MCF2L: variants seen among roughly 807,000 people sequenced by gnomAD.
The protein encoded by MCF2L is guanine nucleotide exchange factor DBS.
A neutral mutation model predicts 153.4 loss-of-function variants in MCF2L; 97 were observed. The ratio of observed to expected loss-of-function variants is 0.63; its 90% CI spans 0.54 to 0.75. The LOEUF is 0.75. Among genes scored for constraint, MCF2L ranks in the 30% least tolerant of loss-of-function variants. The probability of loss-of-function intolerance (pLI) is 0.00; values close to 1 mark genes in which losing one functional copy is unlikely to be tolerated. For missense variants in MCF2L, 1,347 were observed against 1,495.2 expected (o/e 0.90, Z 1.64); for synonymous variants, 659 against 632.2 (o/e 1.04, Z -0.64).
At chr13:112,938,160 G>T (rs1468047170) in intron 2 of MCF2L, among the ~76,000 whole-genome samples, 2 of 133,266 alleles carry the variant, frequency 1.5e-5, no homozygotes, top group African/African-American at 5.6e-5. Context: ...TCAGGTGAGC[G>T]CTGAGGGGTT....
At chr13:112,936,783 T>C (rs941404656) in intron 2 of MCF2L, among the ~76,000 whole-genome samples, 6 of 152,222 alleles carry the variant, frequency 3.9e-5, no homozygotes, top group Non-Finnish European at 7.3e-5. Flanking sequence ...TGGTATAGAA[T>C]TTGCATATAA....
intron 2 of MCF2L, among the ~76,000 whole-genome samples, chr13:112,925,359 C>T (rs1365341172): frequency 1.3e-5 from 2 of 152,144 alleles, no homozygotes; most frequent in African/African-American, 4.8e-5. Context: ...ATGTGCCTGC[C>T]CTCCGATTCC....
At chr13:112,912,470 C>T (rs1354932672) in intron 2 of MCF2L, among the ~76,000 whole-genome samples, 2 of 152,138 alleles carry the variant, frequency 1.3e-5, no homozygotes, top group African/African-American at 4.8e-5. Flanking sequence ...GCGCACGCCA[C>T]CACACCCAGC....
chr13:113,040,948 G>T (rs562556730), intron 3 of MCF2L: 2 of 152,226 alleles, frequency 1.3e-5, no homozygotes, highest in Non-Finnish European at 2.9e-5. Context: ...GACGCAGCCA[G>T]TTGGAACATT....
chr13:113,090,924 C>T (rs947947720), intron 26 of MCF2L: 1 of 1,189,034 alleles, frequency 8.4e-7, no homozygotes, highest in Non-Finnish European at 1.1e-6. Context: ...ACTCCCATGC[C>T]CTCCCGGCCC....
chr13:113,003,444 GC>G (rs1224195007), intron 1 of MCF2L, among the ~76,000 whole-genome samples: 1 of 150,282 alleles, frequency 6.7e-6, no homozygotes, highest in East Asian at 2.0e-4. Context: ...GGGGCAGGTG[GC>G]CCCCTGGGTT....
rs1000534681 is a variant in MCF2L at position 112,904,128 on chromosome 13, G to A, written c.169+1757G>A. Among the ~76,000 whole-genome samples, 8 of 152,082 alleles carry A rather than the reference G, an allele frequency of 5.3e-5. No homozygotes were observed. Among genetic ancestry groups the A allele is most frequent in the African/African-American group, 1.7e-4 (7 of 41,410 alleles). On this transcript the variant is annotated intron_variant, in intron 2 of 29. Coordinates refer to the MCF2L transcript ENST00000375608. The surrounding 1 kb of genome is among the most constrained non-coding windows in gnomAD (Gnocchi z 4.2). ...CTCTGGGGACTGAGGAGCTGGCCGC[G>A]GTTAGGGTTAGGGTTAGAGGTTAAG...
Position 112,934,730 on chromosome 13 carries a change from C to T in MCF2L, c.169+32359C>T, listed in dbSNP as rs548407753. ...CGTGTGCTGGGGCTGTGTGCCGGGG[C>T]GGCCCTTCCACAGGCAGGTGGAAGG... On this transcript the variant is annotated intron_variant, in intron 2 of 29. Transcript: ENST00000375608. Among the ~76,000 whole-genome samples the T allele has an allele frequency of 1.2e-4, 19 of 152,252 alleles. No homozygotes were observed. In the South Asian group the frequency reaches 1.5e-3, roughly 12 times the overall value.
Position 113,077,196 on chromosome 13 carries a change from C to T in MCF2L, c.1645C>T (p.Pro549Ser), listed in dbSNP as rs976747933. 2 of 1,589,720 alleles carry T rather than the reference C, an allele frequency of 1.3e-6. No homozygotes were observed. The highest frequency in any genetic ancestry group is 3.5e-5 in the Admixed American group (2 of 56,708). Residue 549 changes from proline (P) to serine (S), a missense_variant, in exon 13 of 30, where the codon CCC becomes TCC. This residue lies in a region of MCF2L where 820 missense variants were observed against 921.2 expected (regional missense o/e 0.89). Transcript: ENST00000535094. ...APRPEALAKS[P>S]CPSPGIRRGS... is the part of the protein sequence containing the mutation. The stretch of plus-strand genomic sequence containing the variant: ...CAGACCCGAGGCACTGGCAAAGTCG[C>T]CCTGCCCCTCCCCAGGTCTGTGTGG...
intron 2 of MCF2L, among the ~76,000 whole-genome samples, chr13:112,914,760 C>T (rs1164152160): frequency 1.3e-5 from 2 of 152,128 alleles, no homozygotes; most frequent in African/African-American, 4.8e-5. Flanking sequence ...CATATTTTAG[C>T]TGGGTTGCTA....
intron 2 of MCF2L, among the ~76,000 whole-genome samples, chr13:112,916,414 C>G (rs749029463): frequency 2.0e-5 from 3 of 152,174 alleles, no homozygotes; most frequent in African/African-American, 7.2e-5. Flanking sequence ...ATCTTCTGAG[C>G]TCCTGCTTGA....
chr13:112,967,608 A>G (rs1465533616), upstream of MCF2L: 1 of 152,308 alleles, frequency 6.6e-6, no homozygotes. Context: ...AGGCACTATA[A>G]GGGGGAGTAC....
intron 4 of MCF2L, among the ~76,000 whole-genome samples, chr13:113,055,293 G>GACC (rs1193437886): frequency 6.6e-6 from 1 of 150,886 alleles, no homozygotes; most frequent in Non-Finnish European, 1.5e-5. Context: ...GAGCCTCAGG[G>GACC]ACCAGCCTTG....
At chr13:112,896,459 C>T (rs534858397) in intron 1 of MCF2L, among the ~76,000 whole-genome samples, 1 of 151,954 alleles carries the variant, frequency 6.6e-6, no homozygotes, top group East Asian at 1.9e-4. Context: ...GAAGAGAGGC[C>T]CCCCCTGTCT....
intron 23 of MCF2L, 66 bp downstream of exon 23, chr13:113,087,865 T>A (rs768213998): frequency 1.7e-5 from 23 of 1,347,244 alleles, no homozygotes; most frequent in Non-Finnish European, 2.4e-5. Flanking sequence ...TGGGAACCAG[T>A]GCAAGGATCT....
At chr13:113,048,965 C>T (rs972476729) in intron 4 of MCF2L, among the ~76,000 whole-genome samples, 2 of 152,184 alleles carry the variant, frequency 1.3e-5, no homozygotes, top group Non-Finnish European at 2.9e-5. Flanking sequence ...GAGTTAGGCC[C>T]CACATGCCAG....
chr13:112,973,803 A>T (rs1206104733), intron 1 of MCF2L, among the ~76,000 whole-genome samples: 1 of 152,162 alleles, frequency 6.6e-6, no homozygotes, highest in Non-Finnish European at 1.5e-5. Flanking sequence ...GAGTGACCAC[A>T]GGCAAGGTCT....
At chr13:113,050,172 GTGAC>G (rs1333791656) in intron 4 of MCF2L, among the ~76,000 whole-genome samples, 4 of 152,032 alleles carry the variant, frequency 2.6e-5, no homozygotes, top group East Asian at 1.9e-4. Flanking sequence ...GTGTGAGTGT[GTGAC>G]TGTGTGTGTG....
At chr13:113,002,056 G>T (rs932349023) in intron 1 of MCF2L, 6 of 1,420,114 alleles carry the variant, frequency 4.2e-6, no homozygotes, top group Non-Finnish European at 5.5e-6. Context: ...ACGCCGGGCG[G>T]GGGTGGACGT....
Sources: allele counts gnomAD v4.1 joint callset (sites outside exome capture counted in the v4.1 genomes callset), GRCh38; gene constraint gnomAD v4.1.1; regional missense constraint gnomAD v4.1.1; non-coding constraint Gnocchi (gnomAD v3.1); transcripts MANE v1.5; gene names NCBI Gene and HGNC (gene_info 2026-07-23, HGNC 2026-07-21).